The following BICC1 variants were observed in gnomAD, a reference collection of about 807,000 sequenced individuals.
The protein encoded by BICC1 is BicC family RNA binding protein 1.
BICC1 carries 43 observed loss-of-function variants against 111.0 expected under a neutral mutation model. That is an observed-to-expected ratio of 0.39 (90% CI 0.30 to 0.50). The LOEUF (loss-of-function observed/expected upper bound fraction) is 0.50, where lower values mean the gene tolerates loss of function less well. Ranked by LOEUF, BICC1 falls within the 20% of genes least tolerant of loss-of-function variation. The pLI is 0.88. For synonymous variants in BICC1, 467 were observed against 434.4 expected (o/e 1.07, Z -0.93); for missense variants, 1,091 against 1,203.2 (o/e 0.91, Z 1.38).
At chr10:58,689,330 C>T (rs1319599180) in intron 2 of BICC1, among the ~76,000 whole-genome samples, 1 of 152,194 alleles carries the variant, frequency 6.6e-6, no homozygotes, top group Admixed American at 6.5e-5. Context: ...CCTCTTCTCC[C>T]TTGTCTGTGG....
intron 1 of BICC1, among the ~76,000 whole-genome samples, chr10:58,533,307 A>G (rs184501376): frequency 5.3e-5 from 8 of 151,960 alleles, no homozygotes. Flanking sequence ...ATTTAAAAAC[A>G]TCTTTAAAGG....
chr10:58,806,858 T>C (rs1843724298), intron 16 of BICC1, 146 bp from the exon 17 acceptor site: 1 of 834,126 alleles, frequency 1.2e-6, no homozygotes, highest in Non-Finnish European at 1.8e-6. Context: ...AATATTTCAT[T>C]AAGATATTTT....
intron 3 of BICC1, among the ~76,000 whole-genome samples, chr10:58,723,520 G>T (rs901844511): frequency 9.2e-5 from 14 of 152,210 alleles, no homozygotes; most frequent in Admixed American, 2.6e-4. Context: ...GGAGAAAGCA[G>T]AGAGGGGTTA....
chr10:58,706,538 T>A (rs1031002501), intron 3 of BICC1, among the ~76,000 whole-genome samples: 2 of 152,208 alleles, frequency 1.3e-5, no homozygotes, highest in African/African-American at 4.8e-5. Context: ...TTTGGCTGTG[T>A]CCCCACCCAA....
intron 3 of BICC1, among the ~76,000 whole-genome samples, chr10:58,750,838 G>T (rs2393481): frequency 0.64 from 96,631 of 151,920 alleles, 31,801 homozygotes; most frequent in East Asian, 0.9. Flanking sequence ...TTAATTGGAA[G>T]CAGTCTTTAC....
At position 58,813,754 on chromosome 10, in the gene BICC1, G is replaced by A. The variant is rs565445887; in HGVS notation, c.2377-76G>A. ...GAGAAGTAAACGGCAGTGGTGTAAT[G>A]TGGATTCTTTTCTCCTCCCACCCTG... On this transcript the variant is annotated intron_variant, in intron 17 of 20. Transcript: ENST00000373886. 92 of 1,444,554 alleles carry A rather than the reference G, an allele frequency of 6.4e-5. No homozygotes were observed. In the East Asian group the frequency reaches 9.8e-4, roughly 15 times the overall value. 89.5% of individuals were successfully genotyped at this position (1,444,554 alleles called of 1,614,324 possible).
chr10:58,770,461 T>C (rs1378956254), intron 3 of BICC1, among the ~76,000 whole-genome samples: 1 of 152,024 alleles, frequency 6.6e-6, no homozygotes, highest in African/African-American at 2.4e-5. Context: ...AAAATAAACA[T>C]ATCAAATGTC....
At chr10:58,823,796 G>T (rs971843369) in intron 20 of BICC1, 43 of 985,064 alleles carry the variant, frequency 4.4e-5, no homozygotes, top group Non-Finnish European at 4.7e-5. Flanking sequence ...TCCAGGCTGT[G>T]TACTTAAGGG....
At chr10:58,583,946 G>A (rs997015614) in intron 1 of BICC1, among the ~76,000 whole-genome samples, 1 of 151,920 alleles carries the variant, frequency 6.6e-6, no homozygotes, top group African/African-American at 2.4e-5. Flanking sequence ...GGAATTATAG[G>A]CATGAGCCAC....
chr10:58,650,116 T>C lies in BICC1; in HGVS notation c.237+29215T>C, dbSNP rs542432588. The C allele has an allele frequency of 1.4e-4, 21 of 152,314 alleles. No individual in the cohort carries two copies. The South Asian group carries it at 4.3e-3, about 32-fold the overall frequency. 9.4% of individuals were successfully genotyped at this position (152,314 alleles called of 1,614,324 possible). A position where few individuals can be genotyped will look rare whatever the true frequency, so the allele number is the denominator to read the frequency against. ...TACATTAACGATGCTAGTCACTATC[T>C]ACTGAAGAGATGATCTGCAGCCCTG... On this transcript the variant is annotated intron_variant, in intron 2 of 20. Transcript: ENST00000373886.
chr10:58,641,414 TC>T (rs1299144460), intron 2 of BICC1, among the ~76,000 whole-genome samples: 4 of 152,200 alleles, frequency 2.6e-5, no homozygotes, highest in African/African-American at 9.6e-5. Context: ...ATGTTTGTCT[TC>T]CTGAGGTTAG....
At chr10:58,811,265 C>T (rs901230871) in intron 17 of BICC1, among the ~76,000 whole-genome samples, 10 of 152,032 alleles carry the variant, frequency 6.6e-5, no homozygotes, top group Non-Finnish European at 1.2e-4. Flanking sequence ...TCCTTTTTGC[C>T]ACCCATCTCT....
chr10:58,616,303 C>A (rs1845604550), intron 1 of BICC1, among the ~76,000 whole-genome samples: 1 of 152,192 alleles, frequency 6.6e-6, no homozygotes, highest in South Asian at 2.1e-4. Flanking sequence ...AAGTGACATG[C>A]TCAGAGATGT....
intron 2 of BICC1, among the ~76,000 whole-genome samples, chr10:58,701,022 C>G (rs887855121): frequency 6.6e-6 from 1 of 152,114 alleles, no homozygotes. Context: ...ATAAAGGGGG[C>G]TCATGAAGTT....
chr10:58,739,881 T>A (rs940151308), intron 3 of BICC1, among the ~76,000 whole-genome samples: 1 of 152,228 alleles, frequency 6.6e-6, no homozygotes, highest in Non-Finnish European at 1.5e-5. Context: ...CAAAGAAGGT[T>A]GCCCCTTTGA....
intron 3 of BICC1, among the ~76,000 whole-genome samples, chr10:58,750,005 A>G (rs1841940522): frequency 6.6e-6 from 1 of 152,130 alleles, no homozygotes. Flanking sequence ...AGATTAGAAA[A>G]AGTTGCTTAG....
intron 2 of BICC1, among the ~76,000 whole-genome samples, chr10:58,679,232 T>G (rs1236627191): frequency 6.6e-6 from 1 of 152,040 alleles, no homozygotes; most frequent in Non-Finnish European, 1.5e-5. Context: ...CTTAAAAAAA[T>G]CAGTGAATCC....
At chr10:58,709,997 A>G (rs905466742) in intron 3 of BICC1, among the ~76,000 whole-genome samples, 4 of 152,160 alleles carry the variant, frequency 2.6e-5, no homozygotes, top group African/African-American at 9.7e-5. Flanking sequence ...GGTTATTTTA[A>G]TTAGTATTTA....
intron 3 of BICC1, among the ~76,000 whole-genome samples, chr10:58,749,853 G>T (rs975196907): frequency 6.6e-6 from 1 of 152,114 alleles, no homozygotes; most frequent in African/African-American, 2.4e-5. Context: ...TGAAAACAGT[G>T]TGGATCAACA....
Sources: allele counts gnomAD v4.1 joint callset (sites outside exome capture counted in the v4.1 genomes callset), GRCh38; gene constraint gnomAD v4.1.1; transcripts MANE v1.5; gene names NCBI Gene and HGNC (gene_info 2026-07-23, HGNC 2026-07-21).